The following EPB41L3 variants were observed in gnomAD, a reference collection of about 807,000 sequenced individuals.
The protein encoded by EPB41L3 is erythrocyte membrane protein band 4.1 like 3, also known as band 4.1-like protein 3.
A neutral mutation model predicts 127.1 loss-of-function variants in EPB41L3; 57 were observed. The observed-to-expected ratio is 0.45, with a 90% confidence interval of 0.36 to 0.56. The LOEUF is 0.56. Ranked by LOEUF, EPB41L3 falls within the 20% of genes least tolerant of loss-of-function variation. The probability of loss-of-function intolerance (pLI) is 0.00; values close to 1 mark genes in which losing one functional copy is unlikely to be tolerated. For missense variants in EPB41L3, 1,273 were observed against 1,372.2 expected (o/e 0.93, Z 1.14); for synonymous variants, 572 against 549.5 (o/e 1.04, Z -0.57).
chr18:5,511,391 GTTTTTTTTTTT>G lies in EPB41L3; in HGVS notation c.-11-22208_-11-22198del, dbSNP rs1190047630. Among the ~76,000 whole-genome samples the G allele has an allele frequency of 6.9e-3, 414 of 59,812 alleles. 2 individuals are homozygous for G. Among genetic ancestry groups the G allele is most frequent in the African/African-American group, 0.027 (401 of 14,710 alleles). The allele number at this position is 59,812 out of a possible 152,430, so 39.2% of individuals were successfully genotyped here. ...CTTTAATAGCTGTGGAGGTATTTTG[GTTTTTTTTTTT>G]TTTTTTTTTTTTTTTTTTTTGTATG... is the stretch of plus-strand genomic sequence containing the variant. On this transcript the variant is annotated intron_variant, in intron 1 of 22. Coordinates refer to ENST00000341928, the MANE Select transcript of EPB41L3 (RefSeq NM_012307.5).
chr18:5,407,233 T>C (rs2075548807), intron 15 of EPB41L3: 1 of 482,710 alleles, frequency 2.1e-6, no homozygotes, highest in Non-Finnish European at 3.7e-6. Flanking sequence ...ACAATTCACA[T>C]GTATCCTGAG....
intron 3 of EPB41L3, chr18:5,577,371 A>T (rs1001415542): frequency 2.2e-6 from 1 of 453,512 alleles, no homozygotes; most frequent in African/African-American, 2.0e-5. Flanking sequence ...ATAGAGACAG[A>T]TGAAAGATGG....
intron 1 of EPB41L3, among the ~76,000 whole-genome samples, chr18:5,517,977 C>T (rs551983132): frequency 2.6e-5 from 4 of 152,118 alleles, no homozygotes; most frequent in Non-Finnish European, 5.9e-5. Flanking sequence ...GCTTAACTGG[C>T]GTCCTGGCTC....
chr18:5,619,473 TACAAAGTTAACTGCACCTTCC>T (rs2094836187), intron 1 of EPB41L3, among the ~76,000 whole-genome samples: 1 of 152,194 alleles, frequency 6.6e-6, no homozygotes, highest in South Asian at 2.1e-4. Context: ...CATTTCCAGA[TACAAAGTTAACTGCACCTTCC>T]ACAAAAAGCC....
intron 3 of EPB41L3, among the ~76,000 whole-genome samples, chr18:5,448,367 G>GT (rs2081829560): frequency 6.6e-6 from 1 of 152,038 alleles, no homozygotes; most frequent in Non-Finnish European, 1.5e-5. Context: ...TAACCCAGAT[G>GT]ATTTTTTTTT....
At position 5,419,783 on chromosome 18, in the gene EPB41L3, C is replaced by T; in HGVS notation, c.1434G>A (p.Arg478=). The T allele has an allele frequency of 1.2e-6, 2 of 1,614,176 alleles. No individual in the cohort carries two copies. Among genetic ancestry groups the T allele is most frequent in the Non-Finnish European group, 1.7e-6 (2 of 1,180,042 alleles). ...TCCTCCGTTTGTCCTCTTCCTCGTC[C>T]CGCTCCTCCTCAGCCTTCTTCTCCG... ...VTPEKKAEEE[R]DEEEDKRRKG... The change falls in exon 12 of 23, where the codon CGG becomes CGA. Residue 478 remains arginine, a synonymous_variant. Transcript: ENST00000341928.
chr18:5,630,414 A>G (rs556296719), upstream of EPB41L3: 2 of 518,714 alleles, frequency 3.9e-6, no homozygotes, highest in Non-Finnish European at 3.8e-6. Flanking sequence ...CCCCTCCCGG[A>G]GCTTGTTCGC....
chr18:5,607,786 G>A (rs566810747), intron 3 of EPB41L3, among the ~76,000 whole-genome samples: 20 of 152,154 alleles, frequency 1.3e-4, no homozygotes, highest in East Asian at 9.7e-4. Flanking sequence ...TTGCCACCAC[G>A]GAACTGTCAG....
At chr18:5,403,488 TTAAC>T (rs2074845034) in intron 16 of EPB41L3, among the ~76,000 whole-genome samples, 1 of 151,876 alleles carries the variant, frequency 6.6e-6, no homozygotes, top group South Asian at 2.1e-4. Flanking sequence ...TTATAACAAT[TTAAC>T]TACTATAGAT....
chr18:5,467,593 T>G (rs1295297293), intron 3 of EPB41L3: 1 of 152,236 alleles, frequency 6.6e-6, no homozygotes, highest in Non-Finnish European at 1.5e-5. Context: ...AGGTAAAGAC[T>G]TTAGTAGCCT....
chr18:5,544,221 G>A (rs907442653), upstream of EPB41L3: 2 of 985,546 alleles, frequency 2.0e-6, no homozygotes, highest in Non-Finnish European at 2.4e-6. Context: ...TCCTGGCGCA[G>A]GGTCAGGCTC....
upstream of EPB41L3, chr18:5,630,595 C>T (rs759210726): frequency 4.1e-6 from 2 of 490,910 alleles, no homozygotes; most frequent in South Asian, 1.4e-5. Context: ...CCGCCAGACC[C>T]GGGCTCCTCC....
At chr18:5,541,225 C>A (rs1435409650) in intron 1 of EPB41L3, among the ~76,000 whole-genome samples, 1 of 124,014 alleles carries the variant, frequency 8.1e-6, no homozygotes, top group Non-Finnish European at 1.6e-5. Context: ...TGCACTCCAG[C>A]CTGGGTGACA....
At chr18:5,505,840 C>T (rs562414611) in intron 1 of EPB41L3, among the ~76,000 whole-genome samples, 40 of 134,396 alleles carry the variant, frequency 3.0e-4, no homozygotes, top group African/African-American at 1.1e-3. Context: ...CACCCCTTCC[C>T]TCCACACCTT....
intron 3 of EPB41L3, among the ~76,000 whole-genome samples, chr18:5,607,078 A>G (rs936009933): frequency 6.6e-6 from 1 of 152,232 alleles, no homozygotes; most frequent in African/African-American, 2.4e-5. Flanking sequence ...TATTATTAGT[A>G]ACACATTACT....
chr18:5,417,363 G>T (rs773372283), intron 12 of EPB41L3, among the ~76,000 whole-genome samples: 6 of 152,150 alleles, frequency 3.9e-5, no homozygotes, highest in Non-Finnish European at 8.8e-5. Flanking sequence ...CTGGGTCCTG[G>T]AAGTCTCCAC....
chr18:5,395,563 C>T, intron 20 of EPB41L3, 46 bp downstream of exon 20: 1 of 1,566,916 alleles, frequency 6.4e-7, no homozygotes, highest in Non-Finnish European at 8.8e-7. Flanking sequence ...CACCTTCCTC[C>T]AGCTCGCTCT....
chr18:5,411,826 T>C (rs1420602139), intron 13 of EPB41L3, among the ~76,000 whole-genome samples: 1 of 152,148 alleles, frequency 6.6e-6, no homozygotes, highest in African/African-American at 2.4e-5. Context: ...TTCTTGGCAC[T>C]AGCCACATGT....
intron 12 of EPB41L3, among the ~76,000 whole-genome samples, chr18:5,418,369 A>T (rs775867968): frequency 6.6e-6 from 1 of 152,204 alleles, no homozygotes; most frequent in Non-Finnish European, 1.5e-5. Flanking sequence ...TTATCTTGGG[A>T]GCAAAACTAA....
Sources: gnomAD v4.1 joint callset for allele counts (sites outside exome capture counted in the v4.1 genomes callset) on GRCh38, gnomAD v4.1.1 for gene constraint, MANE v1.5 for transcripts, NCBI Gene and HGNC (gene_info 2026-07-23, HGNC 2026-07-21) for gene names.